IL1R2: variants seen among roughly 807,000 people sequenced by gnomAD.
IL1R2 encodes interleukin-1 receptor type 2.
In IL1R2, 46 loss-of-function variants were observed where a neutral mutation model predicts 39.5. The observed-to-expected ratio is 1.16, with a 90% CI of 0.92 to 1.49. The LOEUF (loss-of-function observed/expected upper bound fraction) is 1.49. IL1R2 is among the 40% of genes most tolerant of loss of function. IL1R2 has a pLI of 0.00. For missense variants in IL1R2, 537 were observed against 502.0 expected, an observed-to-expected ratio of 1.07 and a Z score of -0.67; for synonymous variants, 207 against 189.6, an observed-to-expected ratio of 1.09 and a Z score of -0.75.
intron 1 of IL1R2, among the ~76,000 whole-genome samples, chr2:102,001,774 A>C (rs1050643126): frequency 2.6e-5 from 4 of 152,186 alleles, no homozygotes; most frequent in African/African-American, 9.7e-5. Context: ...ATTTATAAAA[A>C]ATTTCCAGGT....
Position 102,009,680 on chromosome 2 carries a change from C to G in IL1R2, c.186C>G (p.Ser62Arg), listed in dbSNP as rs28362312. The change falls in exon 3 of 9, where the codon AGC (serine) becomes AGG (arginine). Residue 62 changes from serine to arginine, a missense_variant. Coordinates refer to ENST00000332549, the MANE Select transcript of IL1R2 (RefSeq NM_004633.4). ...QVPYWLWASVSPRINLTWHKN... is the reference protein window; with the variant it reads ...QVPYWLWASVRPRINLTWHKN... ...CCTACTGGTTGTGGGCCTCTGTCAG[C>G]CCCCGCATCAACCTGACATGGCATA... 2.3e-4 allele frequency: 371 copies of G among 1,614,160 alleles called. No individual in the cohort carries two copies. In the East Asian group the frequency reaches 6.5e-3, roughly 28 times the overall value.
At chr2:102,025,647 C>T (rs922575341) in intron 7 of IL1R2, among the ~76,000 whole-genome samples, 4 of 152,214 alleles carry the variant, frequency 2.6e-5, no homozygotes, top group Non-Finnish European at 5.9e-5. Context: ...GGGCTGTCTG[C>T]AGGTTTCCAG....
chr2:101,994,076 C>T (rs988235257), intron 1 of IL1R2, among the ~76,000 whole-genome samples: 11 of 152,230 alleles, frequency 7.2e-5, no homozygotes, highest in African/African-American at 2.7e-4. Flanking sequence ...TTCTTCTAAC[C>T]TCATTTAGAA....
intron 1 of IL1R2, among the ~76,000 whole-genome samples, chr2:101,999,631 C>T (rs538775845): frequency 6.6e-6 from 1 of 152,178 alleles, no homozygotes; most frequent in Non-Finnish European, 1.5e-5. Context: ...CTCACCAGCC[C>T]AACCTCTGTA....
At chr2:101,998,483 A>C in intron 1 of IL1R2, among the ~76,000 whole-genome samples, 1 of 152,162 alleles carries the variant, frequency 6.6e-6, no homozygotes, top group East Asian at 1.9e-4. Context: ...AACTATCCCA[A>C]AACTTAGTGG....
In IL1R2 at chr2:101,996,726, G is replaced by GTA. The variant is rs972376358; in HGVS notation, c.-62+4725_-62+4726dup. The stretch of plus-strand genomic sequence containing the variant: ...CATACATATGTATATATAGTAGTGA[G>GTA]TATATATATATGTGTATATATATAC... On this transcript the variant is annotated intron_variant, in intron 1 of 8. Coordinates refer to ENST00000332549, the MANE Select transcript of IL1R2 (RefSeq NM_004633.4). 7.3e-5 allele frequency among the ~76,000 whole-genome samples: 11 copies of GTA among 150,922 alleles called. No individual in the cohort carries two copies. The South Asian group carries it at 8.4e-4, about 11-fold the overall frequency.
intron 1 of IL1R2, among the ~76,000 whole-genome samples, chr2:102,001,440 A>G (rs1675855275): frequency 6.6e-6 from 1 of 152,156 alleles, no homozygotes; most frequent in African/African-American, 2.4e-5. Context: ...GATCTGTCTC[A>G]CCAGACCCCA....
chr2:102,013,572 G>GAAAAAAAAAAAAAAAAAAA (rs1676794729), intron 3 of IL1R2, among the ~76,000 whole-genome samples: 1 of 25,796 alleles, frequency 3.9e-5, no homozygotes, highest in Admixed American at 4.2e-4. Flanking sequence ...GAAAAGAAAA[G>GAAAAAAAAAAAAAAAAAAA]AAGGAAAAGA....
chr2:101,994,690 T>A (rs2150416237), intron 1 of IL1R2, among the ~76,000 whole-genome samples: 1 of 152,356 alleles, frequency 6.6e-6, no homozygotes, highest in East Asian at 1.9e-4. Flanking sequence ...GACAAGGGCC[T>A]TTTGAGATGG....
intron 1 of IL1R2, among the ~76,000 whole-genome samples, chr2:101,992,270 G>C (rs1378905183): frequency 9.9e-5 from 15 of 150,786 alleles, no homozygotes; most frequent in Admixed American, 9.9e-4. Flanking sequence ...GAGAGACAGA[G>C]AGAGACAGAG....
intron 1 of IL1R2, among the ~76,000 whole-genome samples, chr2:101,995,490 A>G (rs937904036): frequency 2.0e-5 from 3 of 152,172 alleles, no homozygotes; most frequent in African/African-American, 7.2e-5. Flanking sequence ...CACAGCCCAA[A>G]CGATACCTTG....
chr2:102,008,859 C>CAAAA (rs763395048), intron 2 of IL1R2, among the ~76,000 whole-genome samples: 1 of 58,024 alleles, frequency 1.7e-5, no homozygotes, highest in African/African-American at 5.2e-5. Context: ...CACGTCTCTA[C>CAAAA]AAAAAAAAAA....
At chr2:102,025,661 G>A (rs1234333580) in intron 7 of IL1R2, among the ~76,000 whole-genome samples, 1 of 152,208 alleles carries the variant, frequency 6.6e-6, no homozygotes, top group African/African-American at 2.4e-5. Flanking sequence ...TTTCCAGAGT[G>A]AGAGTCAGCA....
intron 3 of IL1R2, among the ~76,000 whole-genome samples, chr2:102,011,669 T>C (rs1676645453): frequency 6.6e-6 from 1 of 152,238 alleles, no homozygotes; most frequent in Non-Finnish European, 1.5e-5. Flanking sequence ...TTATCAGATA[T>C]ATAGTTAGAA....
chr2:102,005,096 C>G (rs1676179759), intron 1 of IL1R2, among the ~76,000 whole-genome samples: 1 of 152,240 alleles, frequency 6.6e-6, no homozygotes, highest in African/African-American at 2.4e-5. Context: ...GACTCTTCAG[C>G]TCCATAGCTC....
At chr2:102,020,611 C>T (rs1431550389) in intron 5 of IL1R2, among the ~76,000 whole-genome samples, 10 of 152,204 alleles carry the variant, frequency 6.6e-5, no homozygotes, top group Admixed American at 6.5e-4. Flanking sequence ...CACAGAGCAT[C>T]CAGAGATTCA....
intron 3 of IL1R2, among the ~76,000 whole-genome samples, chr2:102,013,554 G>GAAAA (rs1577711343): frequency 1.1e-3 from 35 of 31,612 alleles, no homozygotes; most frequent in African/African-American, 2.3e-3. Flanking sequence ...AAAAAAAAAG[G>GAAAA]AAAGAAAGAA....
At chr2:102,002,290 G>GTGTGTCTGTGTCTGTGTC (rs200294532) in intron 1 of IL1R2, among the ~76,000 whole-genome samples, 1 of 150,016 alleles carries the variant, frequency 6.7e-6, no homozygotes, top group African/African-American at 2.5e-5. Flanking sequence ...GTCTGTGTCT[G>GTGTGTCTGTGTCTGTGTC]TGTGTCTGTG....
intron 3 of IL1R2, 173 bp downstream of exon 3, chr2:102,009,999 C>T (rs1329919793): frequency 1.4e-6 from 1 of 735,138 alleles, no homozygotes; most frequent in Non-Finnish European, 2.2e-6. Flanking sequence ...CAGTCTCATT[C>T]TGTCTCCATT....
Sources: gnomAD v4.1 joint callset for allele counts (sites outside exome capture counted in the v4.1 genomes callset) on GRCh38, gnomAD v4.1.1 for gene constraint, MANE v1.5 for transcripts, NCBI Gene and HGNC (gene_info 2026-07-23, HGNC 2026-07-21) for gene names.